The following KIFBP variants were observed in gnomAD, a reference collection of about 807,000 sequenced individuals.
The protein encoded by KIFBP is kinesin family binding protein.
Under a neutral mutation model 58.9 loss-of-function variants are expected in KIFBP, and 46 were observed. The observed-to-expected ratio is 0.78, with a 90% CI of 0.62 to 1.00. The LOEUF (loss-of-function observed/expected upper bound fraction) is 1.00. KIFBP is among the 50% of genes least tolerant of loss of function. The pLI is 0.00. For synonymous variants in KIFBP, 241 were observed against 283.4 expected, an observed-to-expected ratio of 0.85 and a Z score of 1.50; for missense variants, 651 against 752.9, an observed-to-expected ratio of 0.86 and a Z score of 1.58.
At chr10:68,992,386 G>A (rs1843359420) in intron 1 of KIFBP, among the ~76,000 whole-genome samples, 1 of 152,162 alleles carries the variant, frequency 6.6e-6, no homozygotes, top group South Asian at 2.1e-4. Context: ...TGAGAATCAA[G>A]GGGATGGGGA....
At chr10:69,011,628 C>A (rs1843593004) in intron 6 of KIFBP, among the ~76,000 whole-genome samples, 1 of 149,622 alleles carries the variant, frequency 6.7e-6, no homozygotes, top group Admixed American at 6.7e-5. Flanking sequence ...AAGTGATCTT[C>A]CTGCCTTGGC....
chr10:69,000,032 G>A (rs370668808), intron 1 of KIFBP, among the ~76,000 whole-genome samples: 44 of 138,630 alleles, frequency 3.2e-4, no homozygotes, highest in East Asian at 2.9e-3. Flanking sequence ...GCGACAGAGC[G>A]AGACTCCGTC....
intron 4 of KIFBP, among the ~76,000 whole-genome samples, chr10:69,006,336 A>G (rs1219115021): frequency 6.6e-6 from 1 of 152,220 alleles, no homozygotes; most frequent in African/African-American, 2.4e-5. Flanking sequence ...CATGTGATGC[A>G]TTTCAGTTAT....
At chr10:69,011,063 T>C (rs368844947) in intron 6 of KIFBP, 48 bp downstream of exon 6, 7 of 1,331,262 alleles carry the variant, frequency 5.3e-6, no homozygotes, top group Non-Finnish European at 7.6e-6. Flanking sequence ...GAGGAAATTG[T>C]AAGTAAAAAC....
Position 69,016,236 on chromosome 10 carries a change from C to T in KIFBP, c.1686C>T (p.Pro562=). ...RLYGKIITAD[P]KKELENLATS... ...ATGGCAAAATCATTACTGCAGATCC[C>T]AAGAAAGAGCTGGAAAATTTGGCAA... Residue 562 remains proline (P), a synonymous_variant, in exon 7 of 7, where the codon CCC becomes CCT. Transcript: ENST00000361983. The T allele has an allele frequency of 6.2e-7, 1 of 1,601,948 alleles. No homozygotes were observed.
chr10:68,992,522 G>C (rs772497636), intron 1 of KIFBP, among the ~76,000 whole-genome samples: 1 of 152,156 alleles, frequency 6.6e-6, no homozygotes, highest in Non-Finnish European at 1.5e-5. Context: ...TATTTGTAAC[G>C]CTTCCAGAGG....
At chr10:68,992,117 C>T (rs2096458331) in intron 1 of KIFBP, among the ~76,000 whole-genome samples, 1 of 152,070 alleles carries the variant, frequency 6.6e-6, no homozygotes, top group Non-Finnish European at 1.5e-5. Context: ...CCTCAGCCTC[C>T]CAAATAGCTG....
chr10:69,009,810 A>G (rs1843572688), intron 5 of KIFBP, among the ~76,000 whole-genome samples: 1 of 152,154 alleles, frequency 6.6e-6, no homozygotes, highest in Non-Finnish European at 1.5e-5. Flanking sequence ...TATTTTTAAA[A>G]ATAGTTTGAT....
intron 1 of KIFBP, among the ~76,000 whole-genome samples, chr10:68,994,401 TGTATTC>T (rs914761919): frequency 4.6e-5 from 7 of 152,282 alleles, no homozygotes; most frequent in Admixed American, 2.6e-4. Context: ...CTTAATCTGG[TGTATTC>T]TCCTTGGGGA....
chr10:68,989,052 C>T lies in KIFBP; in HGVS notation c.220C>T (p.Leu74=), dbSNP rs1843310354. The change falls in exon 1 of 7, where the codon CTG becomes TTG. Residue 74 remains leucine (L), a synonymous_variant. Coordinates refer to ENST00000361983, the MANE Select transcript of KIFBP (RefSeq NM_015634.4). ...CGGCCCGGGTGCCGGTGACCACGCC[C>T]TGGGGCTGCCGGCTGAGGTGGTGGA... The part of the protein sequence containing the change: ...EDGPGAGDHA[L]GLPAEVVEPE... The T allele has an allele frequency of 6.2e-7, 1 of 1,612,890 alleles. No individual in the cohort carries two copies. The highest frequency in any genetic ancestry group is 8.5e-7 in the Non-Finnish European group (1 of 1,179,242).
At chr10:69,000,761 G>T (rs1329697764) in intron 2 of KIFBP, among the ~76,000 whole-genome samples, 1 of 152,090 alleles carries the variant, frequency 6.6e-6, no homozygotes, top group Non-Finnish European at 1.5e-5. Context: ...AATTATAAAG[G>T]AAATATTATT....
chr10:69,000,376 T>C (rs757573338), intron 1 of KIFBP, 48 bp from the exon 2 acceptor site: 3 of 1,226,598 alleles, frequency 2.4e-6, no homozygotes, highest in Non-Finnish European at 3.6e-6. Flanking sequence ...GTTACTTTAA[T>C]TGGAAGTCTT....
intron 6 of KIFBP, among the ~76,000 whole-genome samples, chr10:69,014,008 C>T (rs924153044): frequency 6.6e-6 from 1 of 152,174 alleles, no homozygotes; most frequent in African/African-American, 2.4e-5. Flanking sequence ...ACGTCGGCCT[C>T]CCAAAGTGCT....
chr10:68,999,380 G>A (rs543067595), intron 1 of KIFBP, among the ~76,000 whole-genome samples: 2 of 151,276 alleles, frequency 1.3e-5, no homozygotes, highest in African/African-American at 2.4e-5. Context: ...TTACAGGCGT[G>A]AGCCACCATG....
intron 6 of KIFBP, among the ~76,000 whole-genome samples, chr10:69,011,604 G>T (rs1187199735): frequency 6.8e-6 from 1 of 146,492 alleles, no homozygotes; most frequent in Non-Finnish European, 1.5e-5. Flanking sequence ...GGCTGGTCTT[G>T]AACTCCTGGG....
intron 2 of KIFBP, among the ~76,000 whole-genome samples, chr10:69,002,002 A>G (rs776446662): frequency 6.6e-6 from 1 of 151,798 alleles, no homozygotes; most frequent in Non-Finnish European, 1.5e-5. Flanking sequence ...AGACCTCATC[A>G]CTACAAAAAA....
In KIFBP at chr10:69,006,773, A is replaced by G. The variant is rs541508017; in HGVS notation, c.789+858A>G. ...CCCGCTGCCTTATCCTTGGGCCTTT[A>G]TCCTTTTTGAGCATTTCGTTAGCGT... is the stretch of plus-strand genomic sequence containing the variant. On this transcript the variant is annotated intron_variant, in intron 4 of 6. Coordinates refer to ENST00000361983, the MANE Select transcript of KIFBP (RefSeq NM_015634.4). 4.6e-5 allele frequency: 7 copies of G among 152,164 alleles called. No individual in the cohort carries two copies. In the East Asian group the frequency reaches 1.3e-3, roughly 29 times the overall value. The allele number at this position is 152,164 out of a possible 1,614,324, so 9.4% of individuals were successfully genotyped here. A position where few individuals can be genotyped will look rare whatever the true frequency, so the allele number is the denominator to read the frequency against.
intron 3 of KIFBP, 96 bp from the exon 4 acceptor site, chr10:69,005,636 G>A: frequency 1.1e-6 from 1 of 933,162 alleles, no homozygotes; most frequent in Non-Finnish European, 1.7e-6. Context: ...TCGTGCCACT[G>A]TACTCCAGCC....
At chr10:68,993,755 A>C (rs1843376281) in intron 1 of KIFBP, among the ~76,000 whole-genome samples, 1 of 152,174 alleles carries the variant, frequency 6.6e-6, no homozygotes. Flanking sequence ...AGCCCAGCCT[A>C]AACAAAGCTT....
Sources: allele counts gnomAD v4.1 joint callset (sites outside exome capture counted in the v4.1 genomes callset), GRCh38; gene constraint gnomAD v4.1.1; transcripts MANE v1.5; gene names NCBI Gene and HGNC (gene_info 2026-07-23, HGNC 2026-07-21).